The following ERBB4 variants were observed in gnomAD, a reference collection of about 807,000 sequenced individuals.
ERBB4 encodes erb-b2 receptor tyrosine kinase 4.
In ERBB4, 42 loss-of-function variants were observed where a neutral mutation model predicts 158.0. That is an observed-to-expected ratio of 0.27 (90% CI 0.21 to 0.34). The LOEUF (loss-of-function observed/expected upper bound fraction) is 0.34. ERBB4 is among the 10% of genes least tolerant of loss of function. The pLI is 1.00. For missense variants in ERBB4, 1,333 were observed against 1,624.1 expected, an observed-to-expected ratio of 0.82 and a Z score of 3.08; for synonymous variants, 583 against 558.7, an observed-to-expected ratio of 1.04 and a Z score of -0.61.
At chr2:212,293,900 A>G (rs939025611) in intron 1 of ERBB4, among the ~76,000 whole-genome samples, 1 of 148,548 alleles carries the variant, frequency 6.7e-6, no homozygotes, top group Non-Finnish European at 1.5e-5. Flanking sequence ...TATGATGTGT[A>G]TAAGATGATG....
chr2:212,533,355 G>A (rs1050495811), intron 1 of ERBB4, among the ~76,000 whole-genome samples: 1 of 152,164 alleles, frequency 6.6e-6, no homozygotes, highest in African/African-American at 2.4e-5. Flanking sequence ...ACTGTACAGT[G>A]CAGAAATAGT....
At chr2:211,924,828 C>T (rs1201430381) in intron 3 of ERBB4, among the ~76,000 whole-genome samples, 1 of 152,080 alleles carries the variant, frequency 6.6e-6, no homozygotes, top group Admixed American at 6.5e-5. Context: ...ATGATCTTAA[C>T]CAAGGAAGAA....
At chr2:211,529,924 A>C (rs919004809) in intron 20 of ERBB4, among the ~76,000 whole-genome samples, 2 of 152,260 alleles carry the variant, frequency 1.3e-5, no homozygotes, top group East Asian at 3.9e-4. Flanking sequence ...TTTTTCTCTA[A>C]GATTTGAAAC....
intron 1 of ERBB4, among the ~76,000 whole-genome samples, chr2:212,219,308 A>G (rs2105948140): frequency 6.6e-6 from 1 of 151,614 alleles, no homozygotes; most frequent in Middle Eastern, 3.4e-3. Flanking sequence ...TGAAGTTTGT[A>G]TAATGTCTTT....
chr2:212,282,299 G>A (rs1253074717), intron 1 of ERBB4, among the ~76,000 whole-genome samples: 1 of 151,886 alleles, frequency 6.6e-6, no homozygotes, highest in African/African-American at 2.4e-5. Context: ...GTTACAAAGT[G>A]ACTTGGCAAC....
intron 3 of ERBB4, among the ~76,000 whole-genome samples, chr2:211,929,517 C>T (rs1375325115): frequency 6.6e-6 from 1 of 152,130 alleles, no homozygotes; most frequent in African/African-American, 2.4e-5. Flanking sequence ...ACATACACTT[C>T]AGCCTGTGGG....
Position 211,849,512 on chromosome 2 carries a change from T to C in ERBB4, c.422-61353A>G, listed in dbSNP as rs867218689. ...CAATGTTTAATTATTAAAGTTGATATCTATCTTGAGCAAGATTCCTTTAAA... is the reference window on the plus strand; with the variant it reads ...CAATGTTTAATTATTAAAGTTGATACCTATCTTGAGCAAGATTCCTTTAAA... On this transcript the variant is annotated intron_variant, in intron 3 of 27. Transcript: ENST00000342788. 3.3e-4 allele frequency among the ~76,000 whole-genome samples: 50 copies of C among 152,078 alleles called. 1 individual carries two copies. The highest frequency in any genetic ancestry group is 1.1e-3 in the African/African-American group (45 of 41,540).
At chr2:212,501,860 T>C (rs1402135360) in intron 1 of ERBB4, among the ~76,000 whole-genome samples, 1 of 152,106 alleles carries the variant, frequency 6.6e-6, no homozygotes, top group Non-Finnish European at 1.5e-5. Context: ...GCCATCGAAA[T>C]ATAAAACTAC....
At chr2:212,048,267 A>G (rs770262867) in intron 2 of ERBB4, among the ~76,000 whole-genome samples, 26 of 152,314 alleles carry the variant, frequency 1.7e-4, no homozygotes, top group Non-Finnish European at 3.5e-4. Context: ...TTTAAGTGCA[A>G]TGGGAATCCT....
At chr2:212,301,569 A>C (rs992900391) in intron 1 of ERBB4, among the ~76,000 whole-genome samples, 13 of 151,426 alleles carry the variant, frequency 8.6e-5, no homozygotes, top group Non-Finnish European at 3.0e-5. Context: ...TGTTGGACAT[A>C]TCTTGGTAAA....
intron 1 of ERBB4, among the ~76,000 whole-genome samples, chr2:212,162,081 A>G (rs1417640330): frequency 6.6e-6 from 1 of 151,882 alleles, no homozygotes; most frequent in Non-Finnish European, 1.5e-5. Flanking sequence ...CAGCAATTCT[A>G]CTTCTTGGTA....
At chr2:211,966,709 G>T (rs978692448) in intron 2 of ERBB4, among the ~76,000 whole-genome samples, 2 of 151,944 alleles carry the variant, frequency 1.3e-5, no homozygotes, top group African/African-American at 4.8e-5. Context: ...TAATCTTTTT[G>T]AAAATGCTAC....
intron 3 of ERBB4, among the ~76,000 whole-genome samples, chr2:211,800,005 A>G (rs1397823488): frequency 6.6e-6 from 1 of 152,178 alleles, no homozygotes; most frequent in Non-Finnish European, 1.5e-5. Context: ...TTTTTGGAGC[A>G]CATTATGCTT....
At chr2:211,763,897 T>TACACACACACACACAAAC (rs1553627645) in intron 4 of ERBB4, among the ~76,000 whole-genome samples, 12 of 149,968 alleles carry the variant, frequency 8.0e-5, no homozygotes, top group Non-Finnish European at 1.8e-4. Flanking sequence ...TGCGTGTGTA[T>TACACACACACACACAAAC]ACACACACAC....
Position 211,701,904 on chromosome 2 carries a change from T to A in ERBB4, c.1489+63A>T, listed in dbSNP as rs1174375755. The A allele has an allele frequency of 7.3e-6, 9 of 1,229,896 alleles. No homozygotes were observed. In the African/African-American group the frequency reaches 1.2e-4, roughly 16 times the overall value. The allele number at this position is 1,229,896 out of a possible 1,614,324, so 76.2% of individuals were successfully genotyped here. On this transcript the variant is annotated intron_variant, in intron 12 of 27. Coordinates refer to ENST00000342788, the MANE Select transcript of ERBB4 (RefSeq NM_005235.3). The stretch of plus-strand genomic sequence containing the variant: ...CCGGATGTTATTTTTAATTGTTTGG[T>A]CCAAAGAAGAATGGGAAAAAATTTA...
Position 211,736,945 on chromosome 2 carries a change from C to T in ERBB4, c.623-11751G>A, listed in dbSNP as rs555728172. 5.9e-5 allele frequency among the ~76,000 whole-genome samples: 9 copies of T among 152,192 alleles called. No individual in the cohort carries two copies. The South Asian group carries it at 1.9e-3, about 32-fold the overall frequency. ...ATAAAAAAATTATAATCTCTCTGCTCAGGACAAAAGTTCGGAAGTCCTCAA... is the reference window on the plus strand; with the variant it reads ...ATAAAAAAATTATAATCTCTCTGCTTAGGACAAAAGTTCGGAAGTCCTCAA... On this transcript the variant is annotated intron_variant, in intron 5 of 27. Transcript: ENST00000342788.
At chr2:211,767,829 C>T (rs1460474540) in intron 4 of ERBB4, among the ~76,000 whole-genome samples, 2 of 152,134 alleles carry the variant, frequency 1.3e-5, no homozygotes, top group African/African-American at 4.8e-5. Context: ...TGGGTGAGGA[C>T]ACAGCCAAAC....
At chr2:211,859,573 C>T (rs1299389801) in intron 3 of ERBB4, among the ~76,000 whole-genome samples, 1 of 152,164 alleles carries the variant, frequency 6.6e-6, no homozygotes, top group Non-Finnish European at 1.5e-5. Flanking sequence ...TTTAAGTTCA[C>T]TCCAGAGTTA....
At chr2:211,521,186 C>T (rs75059955) in intron 20 of ERBB4, among the ~76,000 whole-genome samples, 2,892 of 152,172 alleles carry the variant, frequency 0.019, 80 homozygotes, top group African/African-American at 0.065. Flanking sequence ...AAGCTAGTCC[C>T]CTTGCACCAA....
Sources: gnomAD v4.1 joint callset for allele counts (sites outside exome capture counted in the v4.1 genomes callset) on GRCh38, gnomAD v4.1.1 for gene constraint, MANE v1.5 for transcripts, NCBI Gene and HGNC (gene_info 2026-07-23, HGNC 2026-07-21) for gene names.